Variants in CNKSR1 observed in about 807,000 individuals in gnomAD.
CNKSR1 encodes the protein CNK homolog protein 1.
A neutral mutation model predicts 95.6 loss-of-function variants in CNKSR1; 88 were observed. That is an observed-to-expected ratio of 0.92 (90% confidence interval 0.78 to 1.10). The LOEUF is 1.10. Ranked by LOEUF, CNKSR1 falls within the 50% of genes least tolerant of loss-of-function variation. The pLI is 0.00. For missense variants in CNKSR1, 836 were observed against 912.0 expected (o/e 0.92, Z 1.07); for synonymous variants, 355 against 369.7 (o/e 0.96, Z 0.46).
At chr1:26,182,610 C>T (rs755803762) in intron 6 of CNKSR1, 26 bp downstream of exon 6, 1 of 1,583,828 alleles carries the variant, frequency 6.3e-7, no homozygotes, top group Non-Finnish European at 8.6e-7. Flanking sequence ...CCACCTCTCA[C>T]TTCTGACCCC....
Position 26,183,566 on chromosome 1 carries a change from G to C in CNKSR1, c.753+152G>C. The C allele has an allele frequency of 2.9e-6, 3 of 1,022,698 alleles. No homozygotes were observed. The East Asian group carries it at 7.3e-5, about 25-fold the overall frequency. 63.4% of individuals were successfully genotyped at this position (1,022,698 alleles called of 1,614,324 possible). ...GCTAAGTCTGGTGAGAGCATCCTCT[G>C]CAGAGCCCAGGTGATGGGGCCCATG... On this transcript the variant is annotated intron_variant, in intron 8 of 20. Coordinates refer to ENST00000361530, the MANE Select transcript of CNKSR1 (RefSeq NM_006314.3).
chr1:26,188,128 A>G, intron 16 of CNKSR1, 106 bp from the exon 17 acceptor site: 1 of 940,600 alleles, frequency 1.1e-6, no homozygotes, highest in Non-Finnish European at 1.7e-6. Flanking sequence ...CATCCCTCTC[A>G]GAGTTGCTCT....
Position 26,187,709 on chromosome 1 carries a change from G to A in CNKSR1, c.1454+227G>A, listed in dbSNP as rs1387799055. 2.1e-5 allele frequency among the ~76,000 whole-genome samples: 3 copies of A among 142,680 alleles called. No homozygotes were observed. The Admixed American group carries it at 2.2e-4, about 11-fold the overall frequency. The allele number at this position is 142,680 out of a possible 152,430, so 93.6% of individuals were successfully genotyped here. On this transcript the variant is annotated intron_variant, in intron 16 of 20. Coordinates refer to ENST00000361530, the MANE Select transcript of CNKSR1 (RefSeq NM_006314.3). Reference sequence around the variant, plus strand: ...GTGATCTTGGCTCACTGCAATCTCCGCCTCCTGGGCTCAAGTGATTCTCCT... The same window carrying A: ...GTGATCTTGGCTCACTGCAATCTCCACCTCCTGGGCTCAAGTGATTCTCCT...
rs768985826 is a variant in CNKSR1 at position 26,184,414 on chromosome 1, T to G, written c.1014T>G (p.Leu338=). ...PSPAWTDSAS[L]GPEPLPIPPE... ...CCTCCCTGACAGACTCTGCCTCCCTTGGCCCTGAGCCCCTGCCCATCCCCC... is the reference window on the plus strand; with the variant it reads ...CCTCCCTGACAGACTCTGCCTCCCTGGGCCCTGAGCCCCTGCCCATCCCCC... Residue 338 remains leucine (L), a synonymous_variant, in exon 12 of 21, where the codon CTT becomes CTG. Transcript: ENST00000361530. 3 of 1,613,298 alleles carry G rather than the reference T, an allele frequency of 1.9e-6. No individual in the cohort carries two copies. The highest frequency in any genetic ancestry group is 1.7e-5 in the Admixed American group (1 of 59,966).
At chr1:26,187,791 T>G (rs1193696468) in intron 16 of CNKSR1, among the ~76,000 whole-genome samples, 1 of 151,224 alleles carries the variant, frequency 6.6e-6, no homozygotes, top group Non-Finnish European at 1.5e-5. Flanking sequence ...CCCGGCTAAT[T>G]TTTGTATTTT....
rs372873985 is a variant in CNKSR1 at position 26,180,460 on chromosome 1, C to T, written c.60C>T (p.Asp20=). 34 of 1,613,864 alleles carry T rather than the reference C, an allele frequency of 2.1e-5. No homozygotes were observed. In the African/African-American group the frequency reaches 2.8e-4, roughly 13 times the overall value. ...GKVATWLRGL[D]DSLQDYPFED... ...GCCTTACTCTCCCTCCAGGTCTTGA[C>T]GACTCCCTGCAGGACTATCCCTTTG... The change falls in exon 2 of 21, where the codon GAC becomes GAT. Residue 20 remains aspartate (D), a synonymous_variant. Transcript: ENST00000361530.
At position 26,187,162 on chromosome 1, in the gene CNKSR1, C is replaced by T. The variant is rs2088770339; in HGVS notation, c.1309-6C>T. The T allele has an allele frequency of 3.1e-6, 5 of 1,612,516 alleles. No homozygotes were observed. Among genetic ancestry groups the T allele is most frequent in the Non-Finnish European group, 4.2e-6 (5 of 1,178,794 alleles). On this transcript the variant is annotated splice_polypyrimidine_tract_variant and splice_region_variant and intron_variant, in intron 14 of 20. Coordinates refer to ENST00000361530, the MANE Select transcript of CNKSR1 (RefSeq NM_006314.3). ...CAACCTGACCCTCATGCTGTGATCCCCCCAGGATGAGAAGGCTGAGGGCCT... is the reference window on the plus strand; with the variant it reads ...CAACCTGACCCTCATGCTGTGATCCTCCCAGGATGAGAAGGCTGAGGGCCT...
At chr1:26,182,700 T>C in intron 6 of CNKSR1, 116 bp downstream of exon 6, 1 of 956,370 alleles carries the variant, frequency 1.0e-6, no homozygotes, top group Non-Finnish European at 1.6e-6. Flanking sequence ...AAGCCTTTTT[T>C]GTACAGATGC....
At chr1:26,182,312 T>G (rs1402779273) in intron 4 of CNKSR1, 49 bp from the exon 5 acceptor site, 1 of 1,602,028 alleles carries the variant, frequency 6.2e-7, no homozygotes, top group Admixed American at 1.7e-5. Flanking sequence ...GGCAGTCCCC[T>G]TATGGCCCTT....
At chr1:26,183,529 G>A in intron 8 of CNKSR1, 115 bp downstream of exon 8, 1 of 1,203,290 alleles carries the variant, frequency 8.3e-7, no homozygotes, top group Non-Finnish European at 1.2e-6. Context: ...CTGCCTTCCA[G>A]GAGATGAGCC....
At position 26,188,912 on chromosome 1, in the gene CNKSR1, G is replaced by A. The variant is rs919754694; in HGVS notation, c.1831G>A (p.Glu611Lys). ...MRRNRDPQLN[E>K]RVHRVRALQS... Reference sequence around the variant, plus strand: ...GCGCAACCGAGACCCTCAGCTCAATGAGCGAGTGCACCGTGTGCGGGCGCT... The same window carrying A: ...GCGCAACCGAGACCCTCAGCTCAATAAGCGAGTGCACCGTGTGCGGGCGCT... The change falls in exon 20 of 21, where the codon GAG (glutamate) becomes AAG (lysine). Residue 611 changes from glutamate (E) to lysine (K), a missense_variant. Coordinates refer to ENST00000361530, the MANE Select transcript of CNKSR1 (RefSeq NM_006314.3). The A allele has an allele frequency of 3.1e-6, 5 of 1,613,874 alleles. No homozygotes were observed. The highest frequency in any genetic ancestry group is 4.2e-6 in the Non-Finnish European group (5 of 1,179,996).
chr1:26,184,137 C>G lies in CNKSR1; in HGVS notation c.922C>G (p.Pro308Ala). 3 of 1,612,912 alleles carry G rather than the reference C, an allele frequency of 1.9e-6. No homozygotes were observed. Among genetic ancestry groups the G allele is most frequent in the Non-Finnish European group, 2.5e-6 (3 of 1,179,700 alleles). ...ATCACTGTCTCTGGCCCCACTGTCT[C>G]CCAGGTAACAGGCTCTGTCCAGGTG... ...SPSLSLAPLS[P>A]RAPSEDVFAF... The change falls in exon 10 of 21, where the codon CCC becomes GCC. Residue 308 changes from proline to alanine, a missense_variant. Physicochemically the swap from Pro to Ala is conservative, Grantham distance 27 (BLOSUM62 -1). Transcript: ENST00000361530.
Position 26,182,594 on chromosome 1 carries a change from G to A in CNKSR1, c.624+10G>A, listed in dbSNP as rs2088666311. 3 of 1,608,940 alleles carry A rather than the reference G, an allele frequency of 1.9e-6. No individual in the cohort carries two copies. On this transcript the variant is annotated intron_variant, in intron 6 of 20. Coordinates refer to ENST00000361530, the MANE Select transcript of CNKSR1 (RefSeq NM_006314.3). ...GCTGGACAGTCCATTGGTGAGCCCT[G>A]CCCTCCCACCTCTCACTTCTGACCC...
Position 26,185,021 on chromosome 1 carries a change from G to T in CNKSR1, c.1143G>T (p.Ala381=). Residue 381 remains alanine, a synonymous_variant, in exon 14 of 21, where the codon GCG becomes GCT. Transcript: ENST00000361530. Reference sequence around the variant, plus strand: ...TGTGCTGTGCTGCTACAGGCCTGGCGACCCGGCTGAGCCGCCGGCGGGTGT... The same window carrying T: ...TGTGCTGTGCTGCTACAGGCCTGGCTACCCGGCTGAGCCGCCGGCGGGTGT... The part of the protein sequence containing the change: ...PVGRKKSKGL[A]TRLSRRRVSC... 6.3e-7 allele frequency: 1 copy of T among 1,597,162 alleles called. No individual in the cohort carries two copies. Among genetic ancestry groups the T allele is most frequent in the South Asian group, 1.1e-5 (1 of 89,778 alleles).
chr1:26,187,569 C>G lies in CNKSR1; in HGVS notation c.1454+87C>G, dbSNP rs1470072818. ...GCCTAGGCTCAGGAGCCTGGAGATACAAATTCCAGCTCTCTGAGAGTGGTT... is the reference window on the plus strand; with the variant it reads ...GCCTAGGCTCAGGAGCCTGGAGATAGAAATTCCAGCTCTCTGAGAGTGGTT... On this transcript the variant is annotated intron_variant, in intron 16 of 20. Transcript: ENST00000361530. 8 of 1,174,276 alleles carry G rather than the reference C, an allele frequency of 6.8e-6. No individual in the cohort carries two copies. In the African/African-American group the frequency reaches 7.6e-5, roughly 11 times the overall value. 72.7% of individuals were successfully genotyped at this position (1,174,276 alleles called of 1,614,324 possible).
At position 26,184,180 on chromosome 1, in the gene CNKSR1, C is replaced by T. The variant is rs201899944; in HGVS notation, c.927-34C>T. 1.4e-5 allele frequency: 22 copies of T among 1,611,470 alleles called. 1 individual carries two copies. In the South Asian group the frequency reaches 1.6e-4, roughly 12 times the overall value. ...TCCAGGTGTGTCTTGGTGGGGAGAC[C>T]GTGGGCTCATCTCATCCCCCTTGCC... On this transcript the variant is annotated intron_variant, in intron 10 of 20. Coordinates refer to ENST00000361530, the MANE Select transcript of CNKSR1 (RefSeq NM_006314.3).
chr1:26,182,042 T>G (rs939317291), intron 4 of CNKSR1, 101 bp downstream of exon 4: 16 of 1,164,904 alleles, frequency 1.4e-5, no homozygotes, highest in Non-Finnish European at 1.9e-5. Context: ...GTATGAGGAT[T>G]GAGACGGGCG....
At chr1:26,182,054 G>A in intron 4 of CNKSR1, 113 bp downstream of exon 4, 1 of 1,051,128 alleles carries the variant, frequency 9.5e-7, no homozygotes, top group Admixed American at 1.8e-5. Flanking sequence ...AGACGGGCGA[G>A]AAAGGAGGAG....
In CNKSR1 at chr1:26,185,200, C is replaced by G. The variant is rs1240637473; in HGVS notation, c.1308+14C>G. On this transcript the variant is annotated intron_variant, in intron 14 of 20. Transcript: ENST00000361530. ...CGCCAGCCCCAGGTAAGACCCCATA[C>G]ACAAAAACAGGTAGGCAAGTGAGTC... 2.6e-6 allele frequency: 4 copies of G among 1,551,038 alleles called. No individual in the cohort carries two copies. The highest frequency in any genetic ancestry group is 3.5e-6 in the Non-Finnish European group (4 of 1,147,194).
Sources: allele counts gnomAD v4.1 joint callset (sites outside exome capture counted in the v4.1 genomes callset), GRCh38; gene constraint gnomAD v4.1.1; transcripts MANE v1.5; gene names NCBI Gene and HGNC (gene_info 2026-07-23, HGNC 2026-07-21).